ALPK2: variants seen among roughly 807,000 people sequenced by gnomAD.
ALPK2 encodes alpha-protein kinase 2.
ALPK2 carries 127 observed loss-of-function variants against 163.1 expected under a neutral mutation model. The ratio of observed to expected loss-of-function variants is 0.78; its 90% CI spans 0.67 to 0.90. ALPK2 has a LOEUF of 0.90. ALPK2 is among the 40% of genes least tolerant of loss of function. The pLI is 0.00. For missense variants in ALPK2, 2,360 were observed against 2,589.6 expected (o/e 0.91, Z 1.92); for synonymous variants, 953 against 959.1 (o/e 0.99, Z 0.12).
intron 8 of ALPK2, among the ~76,000 whole-genome samples, chr18:58,521,627 C>CTCTTTTTTTTTTTTTTTTTTTTTT (rs59358600): frequency 2.0e-4 from 11 of 55,388 alleles, no homozygotes; most frequent in African/African-American, 4.4e-4. Flanking sequence ...TTCTCTCTCT[C>CTCTTTTTTTTTTTTTTTTTTTTTT]TTTTTTTTTT....
In ALPK2 at chr18:58,580,245, C is replaced by G. The variant is rs2051950364; in HGVS notation, c.531G>C (p.Leu177Phe). 2 of 1,614,186 alleles carry G rather than the reference C, an allele frequency of 1.2e-6. No homozygotes were observed. Among genetic ancestry groups the G allele is most frequent in the African/African-American group, 2.7e-5 (2 of 75,038 alleles). The change falls in exon 4 of 13, where the codon TTG becomes TTC. Residue 177 changes from leucine to phenylalanine, a missense_variant. Transcript: ENST00000361673. The part of the protein sequence containing the change: ...KSNHSLSLQS[L>F]GNLDISVSSS... ...TGGACACACTAATGTCAAGATTGCC[C>G]AATGACTGGAGGGAGAGTGAATGGT...
chr18:58,506,705 TATGAATGA>T (rs755224027), intron 10 of ALPK2, among the ~76,000 whole-genome samples: 2 of 152,060 alleles, frequency 1.3e-5, no homozygotes, highest in African/African-American at 4.8e-5. Context: ...TTTGGCAAAA[TATGAATGA>T]ATGAATGAAT....
At position 58,515,654 on chromosome 18, in the gene ALPK2, G is replaced by C. The variant is rs542049037; in HGVS notation, c.5941-573C>G. The stretch of plus-strand genomic sequence containing the variant: ...GAAAAGAAAAAAGCAGAGTGGATTG[G>C]GAGAAGAAAGGAATACAATGGGCAG... On this transcript the variant is annotated intron_variant, in intron 9 of 12. Coordinates refer to ENST00000361673, the MANE Select transcript of ALPK2 (RefSeq NM_052947.4). Among the ~76,000 whole-genome samples the C allele has an allele frequency of 6.6e-5, 10 of 152,288 alleles. 1 individual carries two copies. The South Asian group carries it at 2.1e-3, about 32-fold the overall frequency.
chr18:58,488,911 C>T (rs1199705676), intron 12 of ALPK2, among the ~76,000 whole-genome samples: 1 of 152,112 alleles, frequency 6.6e-6, no homozygotes, highest in African/African-American at 2.4e-5. Flanking sequence ...CCCGGAGTGC[C>T]ACTCATACCC....
chr18:58,570,292 A>C (rs1458553478), intron 4 of ALPK2, among the ~76,000 whole-genome samples: 1 of 152,248 alleles, frequency 6.6e-6, no homozygotes, highest in Non-Finnish European at 1.5e-5. Context: ...CTTAAATCCG[A>C]GCACTGTATT....
In ALPK2 at chr18:58,482,143, T is replaced by C. The variant is rs972923529; in HGVS notation, c.6297-104A>G. Reference sequence around the variant, plus strand: ...GAAAACTAATGGTGCATGGAACATATATGAATTTCTGTTTTAGATAAGAAT... The same window carrying C: ...GAAAACTAATGGTGCATGGAACATACATGAATTTCTGTTTTAGATAAGAAT... On this transcript the variant is annotated intron_variant, in intron 12 of 12. Transcript: ENST00000361673. 3.1e-5 allele frequency: 25 copies of C among 800,594 alleles called. No individual in the cohort carries two copies. In the South Asian group the frequency reaches 3.8e-4, roughly 12 times the overall value. The allele number at this position is 800,594 out of a possible 1,614,324, so 49.6% of individuals were successfully genotyped here. A position where few individuals can be genotyped will look rare whatever the true frequency, so the allele number is the denominator to read the frequency against.
intron 6 of ALPK2, among the ~76,000 whole-genome samples, chr18:58,525,605 G>C (rs1227474739): frequency 6.6e-6 from 1 of 152,274 alleles, no homozygotes; most frequent in South Asian, 2.1e-4. Context: ...CTTCTAGAAG[G>C]AATACATGTA....
intron 1 of ALPK2, among the ~76,000 whole-genome samples, chr18:58,613,698 C>CA (rs1223191157): frequency 1.7e-4 from 10 of 57,248 alleles, no homozygotes; most frequent in South Asian, 1.4e-3. Context: ...GACTCCATCT[C>CA]AAAAAAAAAA....
chr18:58,543,399 G>A (rs1162034580), intron 4 of ALPK2: 9 of 985,328 alleles, frequency 9.1e-6, no homozygotes, highest in Non-Finnish European at 1.1e-5. Flanking sequence ...GACCACACAG[G>A]AGCTTGTGGA....
chr18:58,586,743 G>A (rs1357779868), intron 3 of ALPK2, among the ~76,000 whole-genome samples: 2 of 145,942 alleles, frequency 1.4e-5, no homozygotes, highest in Admixed American at 1.4e-4. Flanking sequence ...TTTTTCCCTA[G>A]GGGCATTTGT....
At chr18:58,492,253 CAAAGACAA>C (rs1008613714) in intron 12 of ALPK2, among the ~76,000 whole-genome samples, 2 of 152,050 alleles carry the variant, frequency 1.3e-5, no homozygotes, top group African/African-American at 4.8e-5. Flanking sequence ...GACACAGAAA[CAAAGACAA>C]AGACACGCAC....
chr18:58,563,029 C>G (rs1323373175), intron 4 of ALPK2, among the ~76,000 whole-genome samples: 1 of 152,192 alleles, frequency 6.6e-6, no homozygotes, highest in African/African-American at 2.4e-5. Flanking sequence ...AACATTAGCC[C>G]ATAGCACCTT....
At chr18:58,512,349 T>C (rs1002554440) in intron 10 of ALPK2, 4 of 152,242 alleles carry the variant, frequency 2.6e-5, no homozygotes, top group Non-Finnish European at 5.9e-5. Flanking sequence ...TATTCATGAA[T>C]TCAAAAACAG....
intron 4 of ALPK2, among the ~76,000 whole-genome samples, chr18:58,539,000 A>G (rs922272259): frequency 2.0e-5 from 3 of 152,172 alleles, no homozygotes; most frequent in Admixed American, 6.5e-5. Context: ...CCAGATGCAG[A>G]TGCCTAATGT....
At position 58,537,692 on chromosome 18, in the gene ALPK2, G is replaced by A. The variant is rs1335032482; in HGVS notation, c.2495C>T (p.Pro832Leu). ...LVGRPVDKYS[P>L]QEICSVDTEL... is the part of the protein sequence containing the mutation. ...CGTATCTACAGAGCAAATTTCTTGA[G>A]GCGAATATTTATCAACTGGTCTCCC... The change falls in exon 5 of 13, where the codon CCT becomes CTT. Residue 832 changes from proline (P) to leucine (L), a missense_variant. Pro to Leu is a moderately conservative substitution (Grantham distance 98, BLOSUM62 -3). Transcript: ENST00000361673. 6.2e-7 allele frequency: 1 copy of A among 1,613,974 alleles called. No individual in the cohort carries two copies. Among genetic ancestry groups the A allele is most frequent in the African/African-American group, 1.3e-5 (1 of 74,920 alleles).
chr18:58,620,954 A>G (rs2052195585), intron 1 of ALPK2, among the ~76,000 whole-genome samples: 1 of 152,114 alleles, frequency 6.6e-6, no homozygotes, highest in African/African-American at 2.4e-5. Context: ...CCAGGAGTTC[A>G]AGATCCACCT....
chr18:58,618,422 G>A (rs2052181276), intron 1 of ALPK2, among the ~76,000 whole-genome samples: 1 of 152,130 alleles, frequency 6.6e-6, no homozygotes, highest in South Asian at 2.1e-4. Flanking sequence ...GATGATGTGG[G>A]GCGTGGATTC....
chr18:58,580,042 C>T lies in ALPK2; in HGVS notation c.734G>A (p.Gly245Asp), dbSNP rs773467708. The T allele has an allele frequency of 2.5e-6, 4 of 1,614,122 alleles. No homozygotes were observed. The African/African-American group carries it at 4.0e-5, about 16-fold the overall frequency. Residue 245 changes from glycine (G) to aspartate (D), a missense_variant, in exon 4 of 13, where the codon GGT becomes GAT. Transcript: ENST00000361673. ...VHSMASKFTD[G>D]DLNNDGPHDE... ...ATGAGGACCATCATTGTTCAGGTCA[C>T]CATCCGTGAACTTTGATGCCATGGA... is the stretch of plus-strand genomic sequence containing the variant.
chr18:58,600,800 C>T (rs971349154), intron 3 of ALPK2: 3 of 152,202 alleles, frequency 2.0e-5, no homozygotes, highest in Non-Finnish European at 4.4e-5. Context: ...GTTCAATACC[C>T]GTTTCTGAAA....
Sources: gnomAD v4.1 joint callset for allele counts (sites outside exome capture counted in the v4.1 genomes callset) on GRCh38, gnomAD v4.1.1 for gene constraint, MANE v1.5 for transcripts, NCBI Gene and HGNC (gene_info 2026-07-23, HGNC 2026-07-21) for gene names.